The following CTNND1 variants were observed in gnomAD, a reference collection of about 807,000 sequenced individuals.
The protein encoded by CTNND1 is catenin delta 1, also known as catenin delta-1.
Under a neutral mutation model 112.1 loss-of-function variants are expected in CTNND1, and 16 were observed. That is an observed-to-expected ratio of 0.14 (90% CI 0.10 to 0.22). CTNND1 has a LOEUF of 0.22. CTNND1 is among the 10% of genes least tolerant of loss of function. CTNND1 has a pLI of 1.00. For synonymous variants in CTNND1, 420 were observed against 446.5 expected, an observed-to-expected ratio of 0.94 and a Z score of 0.75; for missense variants, 1,008 against 1,257.0, an observed-to-expected ratio of 0.80 and a Z score of 3.00.
chr11:57,811,346 G>C, intron 16 of CTNND1, 53 bp from the exon 17 acceptor site: 1 of 1,448,260 alleles, frequency 6.9e-7, no homozygotes. Flanking sequence ...TAGAGCATAA[G>C]ATAGGGTGAA....
rs373237963 is a variant in CTNND1, at chr11:57,808,383, A to C, written c.2092-7A>C. 2 of 1,603,068 alleles carry C rather than the reference A, an allele frequency of 1.2e-6. No individual in the cohort carries two copies. Among genetic ancestry groups the C allele is most frequent in the African/African-American group, 1.3e-5 (1 of 74,716 alleles). On this transcript the variant is annotated splice_region_variant and splice_polypyrimidine_tract_variant and intron_variant, in intron 13 of 20. Coordinates refer to ENST00000399050, the MANE Select transcript of CTNND1 (RefSeq NM_001085458.2). ...TTTGTTCCACCCCTTTCTATTTGCT[A>C]TTCTAGTATGGTCGATACATCCGCT...
intron 1 of CTNND1, among the ~76,000 whole-genome samples, chr11:57,769,398 C>CT (rs1262122459): frequency 6.6e-6 from 1 of 152,094 alleles, no homozygotes. Flanking sequence ...GATTCTCCTA[C>CT]TTCAGCCCCT....
chr11:57,770,514 G>A (rs988501201), intron 1 of CTNND1, among the ~76,000 whole-genome samples: 1 of 151,912 alleles, frequency 6.6e-6, no homozygotes, highest in Non-Finnish European at 1.5e-5. Flanking sequence ...TTAGCTGGGC[G>A]TGGTGGCACA....
At chr11:57,816,222 T>A (rs1403103684) in intron 20 of CTNND1, 75 bp from the exon 21 acceptor site, 1 of 1,562,296 alleles carries the variant, frequency 6.4e-7, no homozygotes, top group Non-Finnish European at 8.8e-7. Flanking sequence ...TCTCCAGATT[T>A]GCTCAACTTT....
At chr11:57,773,122 ATTAC>A (rs141158477) in intron 1 of CTNND1, among the ~76,000 whole-genome samples, 60,126 of 151,724 alleles carry the variant, frequency 0.4, 12,316 homozygotes, top group Middle Eastern at 0.48. Context: ...GTTTATATGT[ATTAC>A]TTCATCATAT....
intron 1 of CTNND1, among the ~76,000 whole-genome samples, chr11:57,787,206 T>C (rs929002246): frequency 2.0e-5 from 3 of 152,212 alleles, no homozygotes; most frequent in African/African-American, 7.2e-5. Context: ...CAAGAACTTA[T>C]TATGACAGAT....
chr11:57,800,533 G>C (rs548978405), intron 6 of CTNND1, among the ~76,000 whole-genome samples: 2 of 152,160 alleles, frequency 1.3e-5, no homozygotes, highest in African/African-American at 4.8e-5. Flanking sequence ...CTCCCAAAGT[G>C]CTGGGATTAC....
At chr11:57,772,488 C>A (rs1952937361) in intron 1 of CTNND1, among the ~76,000 whole-genome samples, 1 of 152,074 alleles carries the variant, frequency 6.6e-6, no homozygotes, top group African/African-American at 2.4e-5. Flanking sequence ...TTTGAGGACC[C>A]CTTTATAGGT....
intron 1 of CTNND1, among the ~76,000 whole-genome samples, chr11:57,773,816 C>T (rs1953441119): frequency 6.6e-6 from 1 of 151,652 alleles, no homozygotes; most frequent in African/African-American, 2.4e-5. Flanking sequence ...GTGGTGGGTA[C>T]TTGTAGTTCC....
intron 14 of CTNND1, among the ~76,000 whole-genome samples, chr11:57,808,863 G>T (rs1173983250): frequency 1.3e-5 from 2 of 152,074 alleles, no homozygotes; most frequent in South Asian, 2.1e-4. Context: ...ATAGGATAAG[G>T]AAATAACTCA....
At chr11:57,811,867 T>C (rs2063403628) in intron 17 of CTNND1, among the ~76,000 whole-genome samples, 1 of 152,258 alleles carries the variant, frequency 6.6e-6, no homozygotes, top group East Asian at 1.9e-4. Context: ...GTTTCTTTTA[T>C]CCAGAGAAAA....
chr11:57,781,402 G>A (rs900635139), intron 1 of CTNND1, among the ~76,000 whole-genome samples: 1 of 152,014 alleles, frequency 6.6e-6, no homozygotes, highest in African/African-American at 2.4e-5. Flanking sequence ...TATGACATGA[G>A]ACCTAATCAA....
chr11:57,789,933 C>T (rs1489948916), intron 2 of CTNND1, among the ~76,000 whole-genome samples: 2 of 152,298 alleles, frequency 1.3e-5, no homozygotes, highest in East Asian at 3.9e-4. Flanking sequence ...GGTGAAGTTT[C>T]CTGAAGACAG....
intron 5 of CTNND1, among the ~76,000 whole-genome samples, chr11:57,796,114 C>T (rs1342540999): frequency 1.3e-5 from 2 of 152,002 alleles, no homozygotes; most frequent in African/African-American, 4.8e-5. Flanking sequence ...TGGCTGGGCG[C>T]GGTGGGTCAC....
Position 57,796,719 on chromosome 11 carries a change from A to C in CTNND1, c.683A>C (p.Tyr228Ser). The change falls in exon 6 of 21, where the codon TAT (tyrosine) becomes TCT (serine). Residue 228 changes from tyrosine to serine, a missense_variant. Tyr to Ser is a moderately radical substitution (Grantham distance 144). Coordinates refer to ENST00000399050, the MANE Select transcript of CTNND1 (RefSeq NM_001085458.2). ...EDGYPGGSDN[Y>S]GSLSRVTRIE... ...GGTTATCCAGGTGGCAGTGATAACT[A>C]TGGCAGTCTGTCCCGGGTGACCCGC... The C allele has an allele frequency of 6.2e-7, 1 of 1,614,042 alleles. No individual in the cohort carries two copies. The highest frequency in any genetic ancestry group is 8.5e-7 in the Non-Finnish European group (1 of 1,179,890).
chr11:57,795,522 C>T, intron 4 of CTNND1, 55 bp from the exon 5 acceptor site: 1 of 1,546,312 alleles, frequency 6.5e-7, no homozygotes, highest in Non-Finnish European at 8.7e-7. Context: ...ATTAGGATGG[C>T]TTGTTATACA....
chr11:57,808,578 G>T, intron 14 of CTNND1, 38 bp downstream of exon 14: 1 of 1,536,232 alleles, frequency 6.5e-7, no homozygotes, highest in South Asian at 1.3e-5. Flanking sequence ...TCAAAATTTA[G>T]TACAGTGTTT....
At chr11:57,768,130 C>T (rs1042266856) in intron 1 of CTNND1, among the ~76,000 whole-genome samples, 5 of 142,556 alleles carry the variant, frequency 3.5e-5, no homozygotes, top group African/African-American at 7.5e-5. Flanking sequence ...CCACCATGCC[C>T]GTCCGAAGGT....
At chr11:57,802,970 C>CCG (rs1168489188) in intron 7 of CTNND1, among the ~76,000 whole-genome samples, 1 of 152,132 alleles carries the variant, frequency 6.6e-6, no homozygotes, top group Non-Finnish European at 1.5e-5. Flanking sequence ...TGAGTAAAGG[C>CCG]CAGGGGTACT....
Sources: allele counts gnomAD v4.1 joint callset (sites outside exome capture counted in the v4.1 genomes callset), GRCh38; gene constraint gnomAD v4.1.1; transcripts MANE v1.5; gene names NCBI Gene and HGNC (gene_info 2026-07-23, HGNC 2026-07-21).